The following OPCML variants were observed in gnomAD, a reference collection of about 807,000 sequenced individuals.
The protein encoded by OPCML is opioid binding protein/cell adhesion molecule like, also known as opioid-binding protein/cell adhesion molecule.
Under a neutral mutation model 37.8 loss-of-function variants are expected in OPCML, and 13 were observed. That is an observed-to-expected ratio of 0.34 (90% CI 0.22 to 0.55). The LOEUF (loss-of-function observed/expected upper bound fraction) is 0.55. Among genes scored for constraint, OPCML ranks in the 20% least tolerant of loss-of-function variants. The probability of loss-of-function intolerance (pLI) is 0.91; values close to 1 mark genes in which losing one functional copy is unlikely to be tolerated. For missense variants in OPCML, 341 were observed against 435.6 expected (o/e 0.78, Z 1.93); for synonymous variants, 176 against 168.8 (o/e 1.04, Z -0.33).
intron 2 of OPCML, among the ~76,000 whole-genome samples, chr11:132,722,919 C>T (rs1235359273): frequency 6.6e-6 from 1 of 152,232 alleles, no homozygotes; most frequent in Non-Finnish European, 1.5e-5. Context: ...TCTCCATATC[C>T]TATGATTCAA....
At chr11:132,753,558 G>T (rs1375753926) in intron 2 of OPCML, among the ~76,000 whole-genome samples, 7 of 151,346 alleles carry the variant, frequency 4.6e-5, no homozygotes, top group South Asian at 2.1e-4. Context: ...ACCCATTATT[G>T]CACATATATA....
At chr11:132,830,823 G>A (rs1940641161) in intron 2 of OPCML, among the ~76,000 whole-genome samples, 1 of 152,156 alleles carries the variant, frequency 6.6e-6, no homozygotes, top group African/African-American at 2.4e-5. Flanking sequence ...AGTGAAAAGG[G>A]GAAATATGTT....
At chr11:132,598,972 G>C (rs1937636774) in intron 3 of OPCML, among the ~76,000 whole-genome samples, 1 of 152,088 alleles carries the variant, frequency 6.6e-6, no homozygotes, top group Non-Finnish European at 1.5e-5. Flanking sequence ...TCACTATTCA[G>C]CAGACAGAAA....
At chr11:133,040,976 A>G (rs920264248) in intron 1 of OPCML, among the ~76,000 whole-genome samples, 1 of 152,222 alleles carries the variant, frequency 6.6e-6, no homozygotes, top group Non-Finnish European at 1.5e-5. Flanking sequence ...GGAAGGAATC[A>G]GGAAGCTTTA....
At chr11:132,901,587 G>C (rs1436341711) in intron 2 of OPCML, among the ~76,000 whole-genome samples, 1 of 152,106 alleles carries the variant, frequency 6.6e-6, no homozygotes, top group African/African-American at 2.4e-5. Context: ...CTCAAAATAA[G>C]GGCAACAAAT....
At chr11:132,980,981 C>T (rs940582131) in intron 1 of OPCML, among the ~76,000 whole-genome samples, 7 of 152,218 alleles carry the variant, frequency 4.6e-5, no homozygotes, top group African/African-American at 1.7e-4. Flanking sequence ...AGGCTATAAA[C>T]CTGCAACAGC....
chr11:133,499,543 C>T (rs539170871), intron 1 of OPCML, among the ~76,000 whole-genome samples: 42 of 151,988 alleles, frequency 2.8e-4, no homozygotes, highest in South Asian at 1.7e-3. Flanking sequence ...GAAGCCCATG[C>T]TTTGAGATTT....
intron 2 of OPCML, among the ~76,000 whole-genome samples, chr11:132,815,683 A>G (rs1424979891): frequency 6.6e-6 from 1 of 152,198 alleles, no homozygotes; most frequent in Non-Finnish European, 1.5e-5. Flanking sequence ...GACCCCCCAT[A>G]GGAGGGTCCC....
intron 2 of OPCML, among the ~76,000 whole-genome samples, chr11:132,674,776 G>T (rs1282460049): frequency 1.3e-5 from 2 of 152,116 alleles, no homozygotes; most frequent in Non-Finnish European, 2.9e-5. Context: ...AACAGGTAGG[G>T]TATTTGAAAG....
At position 132,638,002 on chromosome 11, in the gene OPCML, G is replaced by C. The variant is rs1053613826; in HGVS notation, c.379+19085C>G. Reference sequence around the variant, plus strand: ...CCACCTCATGGGCAATGAAGTTGGAGAAGGACTTAGGAACTAATATCATAT... The same window carrying C: ...CCACCTCATGGGCAATGAAGTTGGACAAGGACTTAGGAACTAATATCATAT... On this transcript the variant is annotated intron_variant, in intron 3 of 7. Coordinates refer to ENST00000524381, the MANE Select transcript of OPCML (RefSeq NM_001012393.5). Among the ~76,000 whole-genome samples, 5 of 152,136 alleles carry C rather than the reference G, an allele frequency of 3.3e-5. No individual in the cohort carries two copies. The East Asian group carries it at 5.8e-4, about 18-fold the overall frequency.
intron 2 of OPCML, among the ~76,000 whole-genome samples, chr11:132,856,945 A>G (rs1942080412): frequency 6.6e-6 from 1 of 152,210 alleles, no homozygotes; most frequent in East Asian, 1.9e-4. Context: ...CTTTTTAAAT[A>G]AAATTTCACT....
rs184762192 is a variant in OPCML, at chr11:133,207,010, G to A, written c.62-264000C>T. On this transcript the variant is annotated intron_variant, in intron 1 of 7. Transcript: ENST00000524381. ...CATAGAAAATCTCCTTCTAAGAGCC[G>A]GGCGCGGTGGCTCACGCCTGTAATC... Among the ~76,000 whole-genome samples, 202 of 151,946 alleles carry A rather than the reference G, an allele frequency of 1.3e-3. No homozygotes were observed. In the Middle Eastern group the frequency reaches 0.021, roughly 15 times the overall value.
chr11:132,826,356 A>T (rs1940333862), intron 2 of OPCML, among the ~76,000 whole-genome samples: 1 of 152,236 alleles, frequency 6.6e-6, no homozygotes. Flanking sequence ...ATTTCATGCC[A>T]GGAAGGGTTT....
At chr11:132,801,382 T>C (rs1049855106) in intron 2 of OPCML, among the ~76,000 whole-genome samples, 1 of 152,048 alleles carries the variant, frequency 6.6e-6, no homozygotes, top group Non-Finnish European at 1.5e-5. Context: ...ATTTTATGAC[T>C]TTTTTACCAG....
intron 4 of OPCML, among the ~76,000 whole-genome samples, chr11:132,504,463 G>A (rs2096252081): frequency 6.6e-6 from 1 of 151,598 alleles, no homozygotes; most frequent in Non-Finnish European, 1.5e-5. Flanking sequence ...ATTCAGAGCT[G>A]TGTCTCTTTT....
intron 1 of OPCML, among the ~76,000 whole-genome samples, chr11:133,113,440 A>T (rs551949693): frequency 6.6e-6 from 1 of 152,364 alleles, no homozygotes; most frequent in East Asian, 1.9e-4. Context: ...AGAGAAAAAA[A>T]TAACAGAACT....
chr11:132,850,924 C>T (rs1279934990), intron 2 of OPCML, among the ~76,000 whole-genome samples: 2 of 152,064 alleles, frequency 1.3e-5, no homozygotes, highest in East Asian at 3.9e-4. Context: ...CAAATATAGG[C>T]AAAGAAGATA....
intron 1 of OPCML, among the ~76,000 whole-genome samples, chr11:133,354,124 G>C (rs1944206543): frequency 9.2e-6 from 1 of 109,074 alleles, no homozygotes; most frequent in Admixed American, 9.7e-5. Context: ...TAAGTCTGCA[G>C]AATCAAAGGG....
intron 4 of OPCML, among the ~76,000 whole-genome samples, chr11:132,507,277 A>C (rs2137157827): frequency 6.6e-6 from 1 of 152,186 alleles, no homozygotes; most frequent in South Asian, 2.1e-4. Flanking sequence ...GCTTTCATAA[A>C]GTTTAGAGAA....
Sources: allele counts gnomAD v4.1 joint callset (sites outside exome capture counted in the v4.1 genomes callset), GRCh38; gene constraint gnomAD v4.1.1; transcripts MANE v1.5; gene names NCBI Gene and HGNC (gene_info 2026-07-23, HGNC 2026-07-21).